Variants in LOXL2 observed in about 807,000 individuals in gnomAD.
LOXL2 encodes lysyl oxidase homolog 2.
Under a neutral mutation model 93.0 loss-of-function variants are expected in LOXL2, and 70 were observed. That is an observed-to-expected ratio of 0.75 (90% CI 0.62 to 0.92). LOXL2 has a LOEUF of 0.92. LOXL2 is among the 40% of genes least tolerant of loss of function. LOXL2 has a pLI of 0.00. For synonymous variants in LOXL2, 438 were observed against 413.2 expected, an observed-to-expected ratio of 1.06 and a Z score of -0.73; for missense variants, 973 against 1,054.9, an observed-to-expected ratio of 0.92 and a Z score of 1.08.
At chr8:23,350,769 CA>C (rs1804079366) in intron 3 of LOXL2, among the ~76,000 whole-genome samples, 1 of 133,608 alleles carries the variant, frequency 7.5e-6, no homozygotes. Context: ...TCCTATAAAT[CA>C]AAAGCTTTGT....
intron 5 of LOXL2, 32 bp downstream of exon 5, chr8:23,333,369 C>A (rs1563193264): frequency 6.3e-7 from 1 of 1,599,484 alleles, no homozygotes; most frequent in Non-Finnish European, 8.6e-7. Flanking sequence ...CCTCCAGGTG[C>A]CAAGTGGCCA....
intron 1 of LOXL2, among the ~76,000 whole-genome samples, chr8:23,373,412 C>T (rs1306180396): frequency 2.6e-5 from 4 of 152,144 alleles, no homozygotes; most frequent in South Asian, 4.1e-4. Flanking sequence ...CATAGCTCAC[C>T]GCAGCCTCGA....
At chr8:23,349,629 T>G (rs2117192640) in intron 3 of LOXL2, among the ~76,000 whole-genome samples, 1 of 152,160 alleles carries the variant, frequency 6.6e-6, no homozygotes, top group East Asian at 1.9e-4. Context: ...GGTGACTCAT[T>G]GAGTTCTTGG....
rs138155635 is a variant in LOXL2, at chr8:23,302,129, G to A, written c.2031C>T (p.Gly677=). 17 of 1,613,988 alleles carry A rather than the reference G, an allele frequency of 1.1e-5. No homozygotes were observed. Among genetic ancestry groups the A allele is most frequent in the African/African-American group, 2.7e-5 (2 of 74,886 alleles). ...AGCAGCCCATGGTGATGCCCTGATC[G>A]CCGAAGTTGGCACACTCGTAATTCT... is the stretch of plus-strand genomic sequence containing the variant. The part of the protein sequence containing the change: ...IQKNYECANF[G]DQGITMGCWD... The change falls in exon 12 of 14, where the codon GGC becomes GGT. Residue 677 remains glycine (G), a synonymous_variant. Transcript: ENST00000389131.
chr8:23,298,219 G>A (rs1803071241), intron 13 of LOXL2, 97 bp from the exon 14 acceptor site: 1 of 851,746 alleles, frequency 1.2e-6, no homozygotes, highest in Non-Finnish European at 2.0e-6. Flanking sequence ...GGCTGCTGGG[G>A]CCACCTGTGT....
intron 10 of LOXL2, among the ~76,000 whole-genome samples, chr8:23,308,913 T>G (rs1803275441): frequency 6.6e-6 from 1 of 152,000 alleles, no homozygotes; most frequent in African/African-American, 2.4e-5. Flanking sequence ...GGGCCTAGAC[T>G]TCAGTCTCCA....
intron 3 of LOXL2, among the ~76,000 whole-genome samples, chr8:23,347,629 G>A (rs1007392715): frequency 3.9e-5 from 6 of 152,090 alleles, no homozygotes; most frequent in African/African-American, 7.2e-5. Flanking sequence ...CAGCCTGGGC[G>A]AAAGACTGAG....
At chr8:23,356,605 C>G (rs141336894) in intron 3 of LOXL2, among the ~76,000 whole-genome samples, 14 of 152,118 alleles carry the variant, frequency 9.2e-5, no homozygotes, top group Admixed American at 8.5e-4. Flanking sequence ...CTACTTTCAG[C>G]GGCTACCAAA....
chr8:23,391,225 C>T (rs1404385132), intron 1 of LOXL2, among the ~76,000 whole-genome samples: 1 of 150,534 alleles, frequency 6.6e-6, no homozygotes, highest in Admixed American at 6.6e-5. Context: ...ATTACCCGAT[C>T]CCTACAACCT....
At chr8:23,381,146 G>T (rs1387887986) in intron 1 of LOXL2, among the ~76,000 whole-genome samples, 1 of 144,770 alleles carries the variant, frequency 6.9e-6, no homozygotes, top group African/African-American at 2.6e-5. Context: ...CATTTTCTAC[G>T]TATTGCTTTG....
chr8:23,306,912 G>C (rs914379291), intron 10 of LOXL2, among the ~76,000 whole-genome samples: 2 of 152,246 alleles, frequency 1.3e-5, no homozygotes, highest in Non-Finnish European at 2.9e-5. Flanking sequence ...GTGCACATGA[G>C]ACAGAATAAC....
chr8:23,361,805 A>C (rs948410930), intron 2 of LOXL2, among the ~76,000 whole-genome samples: 4 of 152,122 alleles, frequency 2.6e-5, no homozygotes, highest in African/African-American at 9.7e-5. Flanking sequence ...ACACCACTGC[A>C]CTCCAGCCTG....
At chr8:23,331,114 C>A (rs1399744042) in intron 5 of LOXL2, among the ~76,000 whole-genome samples, 2 of 152,174 alleles carry the variant, frequency 1.3e-5, no homozygotes, top group Non-Finnish European at 2.9e-5. Flanking sequence ...GCTCTTGTCA[C>A]GGTGTCCCTT....
intron 3 of LOXL2, among the ~76,000 whole-genome samples, chr8:23,355,593 G>A (rs1211546604): frequency 8.2e-6 from 1 of 122,658 alleles, no homozygotes; most frequent in African/African-American, 3.1e-5. Flanking sequence ...AACCACTGCC[G>A]CTTCAAAGAT....
intron 1 of LOXL2, among the ~76,000 whole-genome samples, chr8:23,394,286 G>A (rs931193715): frequency 2.0e-5 from 3 of 151,658 alleles, no homozygotes; most frequent in Admixed American, 6.6e-5. Context: ...CCAGCTACTC[G>A]GGAGGCTGAG....
intron 3 of LOXL2, among the ~76,000 whole-genome samples, chr8:23,348,641 G>A (rs970373451): frequency 6.6e-6 from 1 of 152,038 alleles, no homozygotes; most frequent in African/African-American, 2.4e-5. Context: ...ACTTTGGGAG[G>A]CCGAGGCGGG....
At chr8:23,323,211 A>T (rs9792290) in intron 6 of LOXL2, among the ~76,000 whole-genome samples, 1 of 152,066 alleles carries the variant, frequency 6.6e-6, no homozygotes. Context: ...AAGGACTAGC[A>T]TGGAAAGGCT....
chr8:23,323,330 G>A (rs1451762257), intron 6 of LOXL2, among the ~76,000 whole-genome samples: 1 of 152,326 alleles, frequency 6.6e-6, no homozygotes, highest in East Asian at 1.9e-4. Context: ...AGAGCAGAAG[G>A]TTCTGTCTGG....
intron 3 of LOXL2, among the ~76,000 whole-genome samples, chr8:23,344,070 C>T (rs1803928834): frequency 6.6e-6 from 1 of 152,222 alleles, no homozygotes; most frequent in South Asian, 2.1e-4. Context: ...CTGGCCACCA[C>T]AGGAGGAGGA....
Sources: gnomAD v4.1 joint callset for allele counts (sites outside exome capture counted in the v4.1 genomes callset) on GRCh38, gnomAD v4.1.1 for gene constraint, MANE v1.5 for transcripts, NCBI Gene and HGNC (gene_info 2026-07-23, HGNC 2026-07-21) for gene names.